Variants in MLC1 observed in about 807,000 individuals in gnomAD.
MLC1 encodes membrane protein MLC1.
MLC1 carries 32 observed loss-of-function variants against 44.7 expected under a neutral mutation model. The ratio of observed to expected loss-of-function variants is 0.72; its 90% CI spans 0.54 to 0.96. The LOEUF (loss-of-function observed/expected upper bound fraction) is 0.96. MLC1 is among the 40% of genes least tolerant of loss of function. The pLI, the probability that MLC1 is intolerant of heterozygous loss-of-function variation, is 0.00. For missense variants in MLC1, 459 were observed against 492.2 expected, an observed-to-expected ratio of 0.93 and a Z score of 0.64; for synonymous variants, 190 against 213.0, an observed-to-expected ratio of 0.89 and a Z score of 0.94.
At chr22:50,066,732 A>G (rs2061710428) in intron 10 of MLC1, among the ~76,000 whole-genome samples, 2 of 152,142 alleles carry the variant, frequency 1.3e-5, no homozygotes, top group Admixed American at 1.3e-4. Context: ...AGAAAAAAAA[A>G]TTATCATCTG....
rs1602039627 is a variant in MLC1, at chr22:50,077,434, T to C, written c.492A>G (p.Ala164=). The C allele has an allele frequency of 6.2e-7, 1 of 1,613,900 alleles. No homozygotes were observed. The highest frequency in any genetic ancestry group is 1.7e-4 in the Middle Eastern group (1 of 6,026). The change falls in exon 6 of 12, where the codon GCA becomes GCG. Residue 164 remains alanine, a synonymous_variant. Transcript: ENST00000311597. The part of the protein sequence containing the change: ...LLMAATVIIA[A]RSSEEDCKKK... ...TCTTGCAGTCCTCCTCGCTGGACCG[T>C]GCAGCGATGATCACCGTGGCCGCCA...
chr22:50,064,310 C>A, intron 10 of MLC1, 112 bp from the exon 11 acceptor site: 2 of 1,333,354 alleles, frequency 1.5e-6, no homozygotes, highest in South Asian at 2.5e-5. Context: ...GGGCTCGAGT[C>A]GGAGCCCCAG....
rs776658700 is a variant in MLC1, at chr22:50,064,077, G to C, written c.1016C>G (p.Ser339Cys). Residue 339 changes from serine (S) to cysteine (C), a missense_variant, in exon 11 of 12, where the codon TCC becomes TGC. Coordinates refer to ENST00000311597, the MANE Select transcript of MLC1 (RefSeq NM_015166.4). ...CTGCGGGCCGTTCTGGGTGTCCCAG[G>C]ATGCACCCTGCAGCCTTGCACTGAC... ...FKVSARLQGA[S>C]WDTQNGPQER... The C allele has an allele frequency of 6.3e-7, 1 of 1,598,274 alleles. No individual in the cohort carries two copies. The highest frequency in any genetic ancestry group is 8.5e-7 in the Non-Finnish European group (1 of 1,174,788).
In MLC1 at chr22:50,081,021, G is replaced by GAAAGAAAGAAAGAAAGAA. The variant is rs761349849; in HGVS notation, c.268-642_268-625dup. Among the ~76,000 whole-genome samples the GAAAGAAAGAAAGAAAGAA allele has an allele frequency of 9.6e-3, 1,377 of 143,550 alleles. 16 individuals carry two copies. The highest frequency in any genetic ancestry group is 0.03 in the South Asian group (139 of 4,582). The allele number at this position is 143,550 out of a possible 152,430, so 94.2% of individuals were successfully genotyped here. On this transcript the variant is annotated intron_variant, in intron 3 of 11. Transcript: ENST00000311597. ...ACCTTGTCTCAAAAAAAGAAAGAAA[G>GAAAGAAAGAAAGAAAGAA]AAAGAAAGAAAGAAAGAAAGAAAGA...
In MLC1 at chr22:50,083,272, T is replaced by TCA; in HGVS notation, c.178-101_178-100dup. ...GCTTCACTGTCTGTGTATTGGTGACTCACCCACGTCCCCCAGCATCAACCA... is the reference window on the plus strand; with the variant it reads ...GCTTCACTGTCTGTGTATTGGTGACTCACACCCACGTCCCCCAGCATCAACCA... On this transcript the variant is annotated intron_variant, in intron 2 of 11. Transcript: ENST00000311597. This position sits in a 1 kb window ranked among gnomAD's most constrained non-coding sequence, Gnocchi z 4.6. The TCA allele has an allele frequency of 9.3e-7, 1 of 1,071,392 alleles. No individual in the cohort carries two copies. The highest frequency in any genetic ancestry group is 1.3e-5 in the South Asian group (1 of 77,526). The allele number at this position is 1,071,392 out of a possible 1,614,324, so 66.4% of individuals were successfully genotyped here.
intron 10 of MLC1, among the ~76,000 whole-genome samples, chr22:50,064,806 C>T (rs1266134533): frequency 1.3e-5 from 2 of 152,140 alleles, no homozygotes; most frequent in Non-Finnish European, 2.9e-5. Context: ...ATAGCTTTCC[C>T]GTGTTGGCTC....
chr22:50,075,106 C>T (rs76093749), intron 7 of MLC1, among the ~76,000 whole-genome samples: 3,633 of 147,240 alleles, frequency 0.025, 84 homozygotes, highest in South Asian at 0.093. Flanking sequence ...CCATCAGGGC[C>T]GCAACCAGCA....
intron 11 of MLC1, 146 bp from the exon 12 acceptor site, chr22:50,061,803 G>A (rs1372893333): frequency 2.3e-5 from 17 of 744,974 alleles, no homozygotes; most frequent in Non-Finnish European, 3.7e-5. Flanking sequence ...TAACCCCTGG[G>A]CCTCTGTGGA....
chr22:50,069,410 C>T, intron 9 of MLC1, among the ~76,000 whole-genome samples: 1 of 151,798 alleles, frequency 6.6e-6, no homozygotes, highest in Middle Eastern at 3.4e-3. Flanking sequence ...TTTGGGAGGC[C>T]GAGGAGGGCG....
intron 5 of MLC1, among the ~76,000 whole-genome samples, chr22:50,079,703 A>G (rs970585988): frequency 6.6e-6 from 1 of 152,080 alleles, no homozygotes; most frequent in Non-Finnish European, 1.5e-5. Flanking sequence ...GTTGGAAAAG[A>G]CATTGTTTAC....
chr22:50,083,032 G>T lies in MLC1; in HGVS notation c.267+52C>A. On this transcript the variant is annotated intron_variant, in intron 3 of 11. Coordinates refer to ENST00000311597, the MANE Select transcript of MLC1 (RefSeq NM_015166.4). This position sits in a 1 kb window ranked among gnomAD's most constrained non-coding sequence, Gnocchi z 4.6. ...CACATCTCAGAACAAAGAAACCAGA[G>T]CACGTGCCGGCGAGCTTGGGCACTG... 6.5e-7 allele frequency: 1 copy of T among 1,536,304 alleles called. No homozygotes were observed.
intron 10 of MLC1, 82 bp downstream of exon 10, chr22:50,068,351 G>A: frequency 6.4e-7 from 1 of 1,572,876 alleles, no homozygotes; most frequent in Non-Finnish European, 8.7e-7. Flanking sequence ...CGCCCCCAGA[G>A]TCCCAGGCAA....
chr22:50,083,091 G>A lies in MLC1; in HGVS notation c.260C>T (p.Ala87Val), dbSNP rs772086919. 2.5e-6 allele frequency: 4 copies of A among 1,613,910 alleles called. No individual in the cohort carries two copies. Among genetic ancestry groups the A allele is most frequent in the Non-Finnish European group, 3.4e-6 (4 of 1,180,002 alleles). Residue 87 changes from alanine to valine, a missense_variant, in exon 3 of 12, where the codon GCA becomes GTA. Coordinates refer to ENST00000311597, the MANE Select transcript of MLC1 (RefSeq NM_015166.4). This position sits in a 1 kb window ranked among gnomAD's most constrained non-coding sequence, Gnocchi z 4.6. ...PAEMDYLRCA[A>V]GSCIPSAIVS... ...GTGGAGGAAGCTGCTTACAGAGCCT[G>A]CAGCACAGCGCAAGTAATCCATCTC...
chr22:50,080,622 A>C (rs2062098797), intron 3 of MLC1, among the ~76,000 whole-genome samples: 2 of 152,220 alleles, frequency 1.3e-5, no homozygotes, highest in South Asian at 4.1e-4. Flanking sequence ...AGCTGATCTT[A>C]ACTTTGGGCT....
intron 3 of MLC1, 127 bp downstream of exon 3, chr22:50,082,957 G>A: frequency 1.0e-6 from 1 of 958,130 alleles, no homozygotes. Flanking sequence ...GAGCCACTGT[G>A]CCCGGCCCAT....
At chr22:50,069,671 A>C (rs1332162285) in intron 9 of MLC1, among the ~76,000 whole-genome samples, 1 of 151,812 alleles carries the variant, frequency 6.6e-6, no homozygotes. Context: ...AGAAACAAAA[A>C]ACATTTACCT....
chr22:50,064,091 C>G lies in MLC1; in HGVS notation c.1002G>C (p.Arg334Ser). 6.2e-7 allele frequency: 1 copy of G among 1,601,142 alleles called. No individual in the cohort carries two copies. The highest frequency in any genetic ancestry group is 8.5e-7 in the Non-Finnish European group (1 of 1,175,794). ...GGGTGTCCCAGGATGCACCCTGCAG[C>G]CTTGCACTGACCTTGAAGCGCACGC... ...IQCVRFKVSARLQGASWDTQN... is the reference protein window; with the variant it reads ...IQCVRFKVSASLQGASWDTQN... The change falls in exon 11 of 12, where the codon AGG becomes AGC. Residue 334 changes from arginine to serine, a missense_variant. Arg to Ser is a moderately radical substitution (Grantham distance 110, BLOSUM62 -1). Coordinates refer to ENST00000311597, the MANE Select transcript of MLC1 (RefSeq NM_015166.4).
Position 50,080,400 on chromosome 22 carries a change from G to A in MLC1, c.268-3C>T, listed in dbSNP as rs1288094463. ...CTCACAATTGCCGAGGGGATGCACT[G>A]GAATGAAACCGGAATCCCATGAGCC... is the stretch of plus-strand genomic sequence containing the variant. On this transcript the variant is annotated splice_polypyrimidine_tract_variant and splice_region_variant and intron_variant, in intron 3 of 11. Transcript: ENST00000311597. The A allele has an allele frequency of 1.2e-6, 2 of 1,602,268 alleles. No homozygotes were observed. Among genetic ancestry groups the A allele is most frequent in the Non-Finnish European group, 1.7e-6 (2 of 1,174,472 alleles).
intron 10 of MLC1, among the ~76,000 whole-genome samples, chr22:50,067,638 A>T (rs1175590736): frequency 2.0e-4 from 4 of 20,486 alleles, no homozygotes; most frequent in African/African-American, 6.1e-4. Context: ...TCCATCCCCC[A>T]TCAGACAGTG....
Sources: allele counts gnomAD v4.1 joint callset (sites outside exome capture counted in the v4.1 genomes callset), GRCh38; gene constraint gnomAD v4.1.1; non-coding constraint Gnocchi (gnomAD v3.1); transcripts MANE v1.5; gene names NCBI Gene and HGNC (gene_info 2026-07-23, HGNC 2026-07-21).